NRG1: variants seen among roughly 807,000 people sequenced by gnomAD.
NRG1 encodes pro-neuregulin-1, membrane-bound isoform.
A neutral mutation model predicts 63.8 loss-of-function variants in NRG1; 18 were observed. The ratio of observed to expected loss-of-function variants is 0.28; its 90% CI spans 0.19 to 0.42. The LOEUF is 0.42. Ranked by LOEUF, NRG1 falls within the 10% of genes least tolerant of loss-of-function variation. The pLI, the probability that NRG1 is intolerant of heterozygous loss-of-function variation, is 1.00. For missense variants in NRG1, 762 were observed against 814.7 expected, an observed-to-expected ratio of 0.94 and a Z score of 0.79; for synonymous variants, 302 against 301.3, an observed-to-expected ratio of 1.00 and a Z score of -0.02.
chr8:32,766,440 A>G lies in NRG1; in HGVS notation c.*2038A>G, dbSNP rs553610197. ...GTAAGCTCACGGCATGGGGAAGAAG[A>G]CAGTCAGTCCAATGAAGTTCTCTAA... On this transcript the variant is annotated 3_prime_UTR_variant, in exon 12 of 12. Transcript: ENST00000356819. 196 of 152,330 alleles carry G rather than the reference A, an allele frequency of 1.3e-3. 1 individual carries two copies. Among genetic ancestry groups the G allele is most frequent in the African/African-American group, 4.2e-3 (175 of 41,582 alleles). The allele number at this position is 152,330 out of a possible 1,614,324, so 9.4% of individuals were successfully genotyped here. A position where few individuals can be genotyped will look rare whatever the true frequency, so the allele number is the denominator to read the frequency against.
intron 1 of NRG1, among the ~76,000 whole-genome samples, chr8:31,769,447 T>G (rs1818401291): frequency 6.6e-6 from 1 of 152,238 alleles, no homozygotes. Context: ...TTTCTTTCAT[T>G]GTCAGCTACT....
chr8:32,595,794 CAG>C, intron 1 of NRG1, 32 bp from the exon 2 acceptor site: 2 of 1,575,490 alleles, frequency 1.3e-6, no homozygotes, highest in Non-Finnish European at 1.7e-6. Flanking sequence ...GCCTGGTGAT[CAG>C]AGTTGTTTTT....
intron 1 of NRG1, among the ~76,000 whole-genome samples, chr8:31,932,585 TCTTAA>T (rs1479141968): frequency 2.0e-5 from 3 of 152,204 alleles, no homozygotes; most frequent in Non-Finnish European, 4.4e-5. Flanking sequence ...TTTTCTCTGG[TCTTAA>T]CTTGAAAAGT....
chr8:31,756,959 C>A (rs919934835), intron 1 of NRG1, among the ~76,000 whole-genome samples: 8 of 152,162 alleles, frequency 5.3e-5, no homozygotes, highest in Non-Finnish European at 8.8e-5. Flanking sequence ...ATTAACCAAA[C>A]CGTTGAAGAC....
intron 1 of NRG1, among the ~76,000 whole-genome samples, chr8:31,697,630 GT>G (rs954511959): frequency 3.9e-5 from 6 of 152,146 alleles, no homozygotes; most frequent in Non-Finnish European, 7.4e-5. Flanking sequence ...AGAGGAGTTA[GT>G]TTTGGAGGGC....
At chr8:31,774,759 A>G (rs1818955283) in intron 1 of NRG1, among the ~76,000 whole-genome samples, 1 of 152,224 alleles carries the variant, frequency 6.6e-6, no homozygotes, top group Admixed American at 6.5e-5. Context: ...ATCCCATTAA[A>G]AGGGGGCTTT....
At chr8:32,047,388 A>G (rs1455016826) in intron 1 of NRG1, among the ~76,000 whole-genome samples, 1 of 152,108 alleles carries the variant, frequency 6.6e-6, no homozygotes, top group East Asian at 1.9e-4. Context: ...GCAGCTGGGA[A>G]TACTTACTCT....
chr8:31,855,067 G>A (rs1201291583), intron 1 of NRG1, among the ~76,000 whole-genome samples: 1 of 152,050 alleles, frequency 6.6e-6, no homozygotes, highest in Non-Finnish European at 1.5e-5. Flanking sequence ...GTGGTGTGGT[G>A]CTGAAAAAAA....
intron 5 of NRG1, chr8:32,647,973 G>T: frequency 6.2e-7 from 1 of 1,614,160 alleles, no homozygotes; most frequent in Middle Eastern, 1.6e-4. Flanking sequence ...GGCTTGCCTG[G>T]TCAGCCTCTG....
At chr8:32,691,887 A>G (rs1811793188) in intron 5 of NRG1, among the ~76,000 whole-genome samples, 1 of 152,076 alleles carries the variant, frequency 6.6e-6, no homozygotes, top group Non-Finnish European at 1.5e-5. Context: ...ATTAAAAGAG[A>G]ATTGTGTATA....
At chr8:32,659,146 CT>C (rs11408766) in intron 5 of NRG1, among the ~76,000 whole-genome samples, 1,754 of 135,986 alleles carry the variant, frequency 0.013, 12 homozygotes, top group Middle Eastern at 0.031. Flanking sequence ...CTTTTCTTTT[CT>C]TTTTTTTTTT....
intron 1 of NRG1, among the ~76,000 whole-genome samples, chr8:31,928,671 C>CA (rs55669247): frequency 6.6e-6 from 1 of 151,454 alleles, no homozygotes; most frequent in African/African-American, 2.4e-5. Flanking sequence ...CACACACACA[C>CA]CATGAAATAC....
chr8:32,447,166 CCCA>C (rs1463377158), intron 1 of NRG1, among the ~76,000 whole-genome samples: 1 of 151,562 alleles, frequency 6.6e-6, no homozygotes, highest in Non-Finnish European at 1.5e-5. Flanking sequence ...ATTACAGGCG[CCCA>C]CCACCACACC....
At position 32,647,630 on chromosome 8, in the gene NRG1, C is replaced by A. The variant is rs1050659779; in HGVS notation, c.502+30745C>A. On this transcript the variant is annotated intron_variant, in intron 5 of 11. Coordinates refer to ENST00000356819, the Ensembl canonical transcript of NRG1. Reference sequence around the variant, plus strand: ...ACTTGGACGATTTATCGATTTCCCCCTGTAAGATGCTGTATCATTTGGTTG... The same window carrying A: ...ACTTGGACGATTTATCGATTTCCCCATGTAAGATGCTGTATCATTTGGTTG... 9 of 1,476,292 alleles carry A rather than the reference C, an allele frequency of 6.1e-6. No individual in the cohort carries two copies. The African/African-American group carries it at 1.3e-4, about 21-fold the overall frequency. 91.4% of individuals were successfully genotyped at this position (1,476,292 alleles called of 1,614,324 possible).
rs35888973 is a variant in NRG1, at chr8:32,312,157, GT to G, written c.38-283648del. On this transcript the variant is annotated intron_variant, in intron 1 of 10. Coordinates refer to the NRG1 transcript ENST00000519301. ...CTACATTCATTATTTGACCTTGTTTGTTTTTTTTTTTTTTTTTTTTTTTGAG... is the reference window on the plus strand; with the variant it reads ...CTACATTCATTATTTGACCTTGTTTGTTTTTTTTTTTTTTTTTTTTTTGAG... Among the ~76,000 whole-genome samples, 670 of 74,408 alleles carry G rather than the reference GT, an allele frequency of 9.0e-3. 1 individual carries two copies. The highest frequency in any genetic ancestry group is 0.034 in the African/African-American group (618 of 18,222). The allele number at this position is 74,408 out of a possible 152,430, so 48.8% of individuals were successfully genotyped here. A position where few individuals can be genotyped will look rare whatever the true frequency, so the allele number is the denominator to read the frequency against.
chr8:31,837,102 C>T (rs1006304714), intron 1 of NRG1, among the ~76,000 whole-genome samples: 2 of 151,966 alleles, frequency 1.3e-5, no homozygotes, highest in South Asian at 4.1e-4. Context: ...TTGTCCATTT[C>T]CATCAGTTTT....
At chr8:32,678,194 A>G (rs549624261) in intron 5 of NRG1, among the ~76,000 whole-genome samples, 1 of 152,298 alleles carries the variant, frequency 6.6e-6, no homozygotes, top group Non-Finnish European at 1.5e-5. Context: ...CAAGTAGAGT[A>G]TAAATTCACA....
At chr8:32,032,213 CT>C (rs1015860339) in intron 1 of NRG1, among the ~76,000 whole-genome samples, 41 of 151,650 alleles carry the variant, frequency 2.7e-4, no homozygotes, top group African/African-American at 9.4e-4. Context: ...TGAGGTTGAA[CT>C]TTTTTCATAT....
chr8:32,129,478 G>C (rs970384529), intron 1 of NRG1, among the ~76,000 whole-genome samples: 1 of 151,792 alleles, frequency 6.6e-6, no homozygotes, highest in Non-Finnish European at 1.5e-5. Flanking sequence ...TTTGCACATG[G>C]CATTTTCCTC....
Sources: gnomAD v4.1 joint callset for allele counts (sites outside exome capture counted in the v4.1 genomes callset) on GRCh38, gnomAD v4.1.1 for gene constraint, MANE v1.5 for transcripts, NCBI Gene and HGNC (gene_info 2026-07-23, HGNC 2026-07-21) for gene names.